FAM168A: variants seen among roughly 807,000 people sequenced by gnomAD.
FAM168A encodes the protein protein FAM168A.
Under a neutral mutation model 28.5 loss-of-function variants are expected in FAM168A, and 3 were observed. The ratio of observed to expected loss-of-function variants is 0.11; its 90% CI spans 0.05 to 0.27. The LOEUF (loss-of-function observed/expected upper bound fraction) is 0.27, where lower values mean the gene tolerates loss of function less well. Ranked by LOEUF, FAM168A falls within the 10% of genes least tolerant of loss-of-function variation. The pLI is 1.00. For synonymous variants in FAM168A, 122 were observed against 124.2 expected (o/e 0.98, Z 0.12); for missense variants, 222 against 311.5 (o/e 0.71, Z 2.16).
chr11:73,446,268 T>A (rs576479750), intron 2 of FAM168A, among the ~76,000 whole-genome samples: 1 of 152,224 alleles, frequency 6.6e-6, no homozygotes, highest in Non-Finnish European at 1.5e-5. Context: ...AAAAGTCTTA[T>A]ACAAAGGCAA....
chr11:73,498,119 G>T (rs891000548), intron 1 of FAM168A, among the ~76,000 whole-genome samples: 1 of 152,140 alleles, frequency 6.6e-6, no homozygotes, highest in Admixed American at 6.5e-5. Context: ...GTGACTCTGG[G>T]GGCCAAGATG....
intron 1 of FAM168A, among the ~76,000 whole-genome samples, chr11:73,479,220 C>G (rs926297204): frequency 6.6e-6 from 1 of 152,146 alleles, no homozygotes; most frequent in Admixed American, 6.6e-5. Flanking sequence ...TAGAAACAAC[C>G]TTGATTTCAT....
At chr11:73,522,008 T>C (rs1409584258) in intron 1 of FAM168A, among the ~76,000 whole-genome samples, 1 of 152,030 alleles carries the variant, frequency 6.6e-6, no homozygotes, top group South Asian at 2.1e-4. Context: ...AAAGAAGATA[T>C]CCTACTTTAC....
At chr11:73,503,352 C>A (rs182550747) in intron 1 of FAM168A, among the ~76,000 whole-genome samples, 8 of 152,050 alleles carry the variant, frequency 5.3e-5, no homozygotes, top group Non-Finnish European at 1.2e-4. Flanking sequence ...TCCTTTACAC[C>A]AACAATAGGC....
intron 3 of FAM168A, among the ~76,000 whole-genome samples, chr11:73,423,540 G>A (rs1033816241): frequency 6.6e-6 from 1 of 152,082 alleles, no homozygotes; most frequent in African/African-American, 2.4e-5. Context: ...AATATGCCAA[G>A]GAGCTTCACA....
chr11:73,575,450 T>G (rs1386046113), intron 1 of FAM168A, among the ~76,000 whole-genome samples: 1 of 152,246 alleles, frequency 6.6e-6, no homozygotes, highest in African/African-American at 2.4e-5. Context: ...AAGCCTAGGA[T>G]AAGCTTTGAA....
intron 1 of FAM168A, among the ~76,000 whole-genome samples, chr11:73,541,824 G>A (rs914264049): frequency 6.6e-6 from 1 of 152,120 alleles, no homozygotes; most frequent in Non-Finnish European, 1.5e-5. Context: ...ATGATGATAG[G>A]AGAAAGTTTA....
chr11:73,457,723 C>CAAAAAAAAAAAAAAAAAAAAAAAAAA (rs58142151), intron 2 of FAM168A, among the ~76,000 whole-genome samples: 1 of 37,540 alleles, frequency 2.7e-5, no homozygotes, highest in Non-Finnish European at 7.8e-5. Flanking sequence ...GCCTGGGTGA[C>CAAAAAAAAAAAAAAAAAAAAAAAAAA]AAAAAAAAAA....
At chr11:73,535,806 C>G (rs1943572432) in intron 1 of FAM168A, among the ~76,000 whole-genome samples, 1 of 151,366 alleles carries the variant, frequency 6.6e-6, no homozygotes. Context: ...AGTGATCCTC[C>G]CACCTTGGCC....
At chr11:73,484,992 C>T (rs1265609006) in intron 1 of FAM168A, among the ~76,000 whole-genome samples, 1 of 151,898 alleles carries the variant, frequency 6.6e-6, no homozygotes, top group African/African-American at 2.4e-5. Flanking sequence ...TGGTGCCCAC[C>T]CAGATTAAGG....
chr11:73,481,913 G>A (rs1360108601), intron 1 of FAM168A, among the ~76,000 whole-genome samples: 1 of 152,174 alleles, frequency 6.6e-6, no homozygotes, highest in Non-Finnish European at 1.5e-5. Flanking sequence ...TTATAAAAGG[G>A]TTTGATGGAG....
In FAM168A at chr11:73,402,024, G is replaced by A. The variant is rs190310445; in HGVS notation, c.*4739C>T. ...CCTGCCTGTGCGCTCAGAGGCTCCGGTGTGGAATCCCATCAGTTAGTCTGG... is the reference window on the plus strand; with the variant it reads ...CCTGCCTGTGCGCTCAGAGGCTCCGATGTGGAATCCCATCAGTTAGTCTGG... On this transcript the variant is annotated 3_prime_UTR_variant, in exon 8 of 8. Coordinates refer to ENST00000356467, the MANE Select transcript of FAM168A (RefSeq NM_015159.3). 3.9e-5 allele frequency: 6 copies of A among 152,426 alleles called. 1 individual carries two copies. The highest frequency in any genetic ancestry group is 3.9e-4 in the Admixed American group (6 of 15,310). 9.4% of individuals were successfully genotyped at this position (152,426 alleles called of 1,614,324 possible). A position where few individuals can be genotyped will look rare whatever the true frequency, so the allele number is the denominator to read the frequency against.
chr11:73,494,631 A>G (rs1033974485), intron 1 of FAM168A, among the ~76,000 whole-genome samples: 5 of 152,146 alleles, frequency 3.3e-5, no homozygotes, highest in Non-Finnish European at 5.9e-5. Context: ...AAAATTGGGG[A>G]AAAAATGGAG....
intron 1 of FAM168A, among the ~76,000 whole-genome samples, chr11:73,555,571 G>A (rs1943880190): frequency 6.6e-6 from 1 of 151,926 alleles, no homozygotes; most frequent in Non-Finnish European, 1.5e-5. Context: ...AACTGGGCGT[G>A]GTCATGGGCG....
rs191712452 is a variant in FAM168A, at chr11:73,410,865, G to A, written c.420+529C>T. On this transcript the variant is annotated intron_variant, in intron 5 of 7. Transcript: ENST00000356467. Reference sequence around the variant, plus strand: ...CCTGGAATGCATACATCTTCTAGCTGAAGGAGCCCAGAAAGGCCCATCAGG... The same window carrying A: ...CCTGGAATGCATACATCTTCTAGCTAAAGGAGCCCAGAAAGGCCCATCAGG... Among the ~76,000 whole-genome samples the A allele has an allele frequency of 3.9e-5, 6 of 152,290 alleles. No individual in the cohort carries two copies. The East Asian group carries it at 1.2e-3, about 29-fold the overall frequency.
chr11:73,569,497 T>C (rs1944060637), intron 1 of FAM168A, among the ~76,000 whole-genome samples: 2 of 152,222 alleles, frequency 1.3e-5, no homozygotes, highest in Admixed American at 1.3e-4. Context: ...GTATCTATTT[T>C]ACATACGAAA....
chr11:73,544,686 A>G (rs1565291312), intron 1 of FAM168A, among the ~76,000 whole-genome samples: 1 of 124,966 alleles, frequency 8.0e-6, no homozygotes, highest in Non-Finnish European at 1.6e-5. Flanking sequence ...ATATATAATT[A>G]TATATTTTAT....
chr11:73,433,205 G>T (rs1187548269), intron 2 of FAM168A, among the ~76,000 whole-genome samples: 1 of 149,456 alleles, frequency 6.7e-6, no homozygotes, highest in African/African-American at 2.5e-5. Context: ...GGATTACAGG[G>T]CATTTTCCCA....
rs543083356 is a variant in FAM168A at position 73,432,721 on chromosome 11, G to C, written c.71-1951C>G. 3.0e-4 allele frequency among the ~76,000 whole-genome samples: 46 copies of C among 152,038 alleles called. 1 individual carries two copies. The highest frequency in any genetic ancestry group is 6.0e-4 in the Non-Finnish European group (41 of 67,982). Reference sequence around the variant, plus strand: ...AAAGTCAAGAGATCGAGACCAGCCTGACAAACAAGGTGAAACCCCGTCTCT... The same window carrying C: ...AAAGTCAAGAGATCGAGACCAGCCTCACAAACAAGGTGAAACCCCGTCTCT... On this transcript the variant is annotated intron_variant, in intron 2 of 7. Transcript: ENST00000356467.
Sources: gnomAD v4.1 joint callset for allele counts (sites outside exome capture counted in the v4.1 genomes callset) on GRCh38, gnomAD v4.1.1 for gene constraint, MANE v1.5 for transcripts, NCBI Gene and HGNC (gene_info 2026-07-23, HGNC 2026-07-21) for gene names.